SCUBE1: variants seen among roughly 807,000 people sequenced by gnomAD.
SCUBE1 encodes signal peptide, CUB domain and EGF like domain containing 1, also known as signal peptide, CUB and EGF-like domain-containing protein 1.
In SCUBE1, 59 loss-of-function variants were observed where a neutral mutation model predicts 124.4. The observed-to-expected ratio is 0.47, with a 90% CI of 0.38 to 0.59. The LOEUF is 0.59. Ranked by LOEUF, SCUBE1 falls within the 20% of genes least tolerant of loss-of-function variation. SCUBE1 has a pLI of 0.00. For missense variants in SCUBE1, 1,150 were observed against 1,371.2 expected (o/e 0.84, Z 2.55); for synonymous variants, 545 against 550.9 (o/e 0.99, Z 0.15).
intron 6 of SCUBE1, among the ~76,000 whole-genome samples, chr22:43,250,970 T>G (rs1358756636): frequency 1.3e-5 from 2 of 152,206 alleles, no homozygotes; most frequent in Non-Finnish European, 2.9e-5. Flanking sequence ...GGCCCAGGCT[T>G]TGCTCACTGG....
At chr22:43,273,373 G>A (rs977870747) in intron 4 of SCUBE1, among the ~76,000 whole-genome samples, 17 of 152,108 alleles carry the variant, frequency 1.1e-4, no homozygotes. Flanking sequence ...AGGTGGTTCT[G>A]TCTCTGACAG....
intron 2 of SCUBE1, among the ~76,000 whole-genome samples, chr22:43,336,151 C>T (rs766149986): frequency 6.6e-5 from 10 of 152,138 alleles, no homozygotes; most frequent in Non-Finnish European, 1.3e-4. Context: ...TTCAGGCTGA[C>T]CTGTGATGGG....
At chr22:43,206,892 C>A (rs1921313027) in intron 21 of SCUBE1, among the ~76,000 whole-genome samples, 1 of 152,202 alleles carries the variant, frequency 6.6e-6, no homozygotes, top group South Asian at 2.1e-4. Flanking sequence ...CAGCACGTGA[C>A]TGGCAGACTA....
At chr22:43,296,836 G>A (rs928239100) in intron 3 of SCUBE1, among the ~76,000 whole-genome samples, 1 of 152,202 alleles carries the variant, frequency 6.6e-6, no homozygotes, top group African/African-American at 2.4e-5. Flanking sequence ...GTGCCACAGG[G>A]GCCTTCAGCA....
chr22:43,312,943 T>C (rs1601882633), intron 3 of SCUBE1, among the ~76,000 whole-genome samples: 1 of 152,208 alleles, frequency 6.6e-6, no homozygotes, highest in African/African-American at 2.4e-5. Context: ...GCTTACAGGC[T>C]GAAATTGGCA....
intron 2 of SCUBE1, among the ~76,000 whole-genome samples, chr22:43,335,265 C>G (rs1387803361): frequency 1.3e-5 from 2 of 152,178 alleles, no homozygotes; most frequent in Non-Finnish European, 2.9e-5. Flanking sequence ...CAGCAGGGAT[C>G]TGATGGTTCT....
At chr22:43,306,141 AG>A (rs1034972365) in intron 3 of SCUBE1, among the ~76,000 whole-genome samples, 13 of 152,154 alleles carry the variant, frequency 8.5e-5, no homozygotes, top group African/African-American at 3.1e-4. Flanking sequence ...GGGTGCTCCA[AG>A]GTAAGCGAGA....
At chr22:43,339,257 G>T in intron 1 of SCUBE1, 22 bp from the exon 2 acceptor site, 1 of 1,610,684 alleles carries the variant, frequency 6.2e-7, no homozygotes. Flanking sequence ...GGTGTGGGGG[G>T]AATAAGAGGT....
intron 2 of SCUBE1, among the ~76,000 whole-genome samples, chr22:43,337,972 T>A (rs1161945311): frequency 6.6e-6 from 1 of 152,200 alleles, no homozygotes; most frequent in Non-Finnish European, 1.5e-5. Context: ...ACTGTGAACA[T>A]GGGAATCTTG....
chr22:43,209,057 G>C (rs946945744), intron 19 of SCUBE1, among the ~76,000 whole-genome samples: 4 of 152,234 alleles, frequency 2.6e-5, no homozygotes, highest in African/African-American at 4.8e-5. Flanking sequence ...GTCCCAGGCC[G>C]GTCCCTTGCC....
intron 3 of SCUBE1, among the ~76,000 whole-genome samples, chr22:43,299,355 C>T (rs1332954931): frequency 6.6e-6 from 1 of 152,176 alleles, no homozygotes; most frequent in Non-Finnish European, 1.5e-5. Flanking sequence ...AATGCAAAAG[C>T]AACAACAAAC....
At position 43,210,009 on chromosome 22, in the gene SCUBE1, A is replaced by G; in HGVS notation, c.2581+34T>C. On this transcript the variant is annotated intron_variant, in intron 19 of 21. Transcript: ENST00000360835. This position sits in a 1 kb window ranked among gnomAD's most constrained non-coding sequence, Gnocchi z 4.5. ...CGAGACGGGGGTGCACACGCAGCTG[A>G]GGCTGCCTCTGGTCCCCTCGGCCCC... 6.4e-7 allele frequency: 1 copy of G among 1,559,460 alleles called. No homozygotes were observed. Among genetic ancestry groups the G allele is most frequent in the South Asian group, 1.2e-5 (1 of 84,020 alleles).
At chr22:43,222,428 G>A (rs1178538177) in intron 12 of SCUBE1, among the ~76,000 whole-genome samples, 1 of 152,232 alleles carries the variant, frequency 6.6e-6, no homozygotes, top group Non-Finnish European at 1.5e-5. Context: ...CCCTCCCACG[G>A]TCCCCTGACC....
rs1357766470 is a variant in SCUBE1 at position 43,281,535 on chromosome 22, CT to C, written c.484+9510del. ...CCTCAGCCACCCTCCTGTCACCTCC[CT>C]CAGTCACCCTCCTGTCACCTCCCCC... On this transcript the variant is annotated intron_variant, in intron 4 of 21. Coordinates refer to ENST00000360835, the MANE Select transcript of SCUBE1 (RefSeq NM_173050.5). Among the ~76,000 whole-genome samples the C allele has an allele frequency of 2.5e-4, 21 of 83,028 alleles. 3 individuals carry two copies. Among genetic ancestry groups the C allele is most frequent in the African/African-American group, 1.0e-3 (21 of 20,570 alleles). 54.5% of individuals were successfully genotyped at this position (83,028 alleles called of 152,430 possible).
chr22:43,312,322 C>T (rs956607963), intron 3 of SCUBE1, among the ~76,000 whole-genome samples: 2 of 152,228 alleles, frequency 1.3e-5, no homozygotes, highest in African/African-American at 4.8e-5. Context: ...TGGGTCACAG[C>T]AGACCTCTGA....
At position 43,211,142 on chromosome 22, in the gene SCUBE1, CTGGG is replaced by C; in HGVS notation, c.2222-63_2222-60del. 2.6e-6 allele frequency: 4 copies of C among 1,529,862 alleles called. No individual in the cohort carries two copies. The highest frequency in any genetic ancestry group is 2.2e-4 in the Middle Eastern group (1 of 4,584). 94.8% of individuals were successfully genotyped at this position (1,529,862 alleles called of 1,614,324 possible). ...GGAGGGGTGCAGGGAAAGGGCAGCA[CTGGG>C]GTGCTGTCCCCAGGACCTCTCATGC... On this transcript the variant is annotated intron_variant, in intron 17 of 21. Transcript: ENST00000360835. This position sits in a 1 kb window ranked among gnomAD's most constrained non-coding sequence, Gnocchi z 4.5.
intron 7 of SCUBE1, among the ~76,000 whole-genome samples, chr22:43,232,807 C>G (rs1472711027): frequency 1.3e-5 from 2 of 152,240 alleles, no homozygotes; most frequent in Non-Finnish European, 1.5e-5. Flanking sequence ...GCCCTGACCC[C>G]TGTGAGCCCC....
rs997119090 is a variant in SCUBE1 at position 43,267,822 on chromosome 22, C to T, written c.485-4977G>A. ...GGGCCATCTGAGGGCAGTGAGCTAA[C>T]GGGAAGGAATGCCAACTCATCCCCT... On this transcript the variant is annotated intron_variant, in intron 4 of 21. Transcript: ENST00000360835. Among the ~76,000 whole-genome samples the T allele has an allele frequency of 2.6e-4, 39 of 152,184 alleles. 1 individual carries two copies. The highest frequency in any genetic ancestry group is 7.4e-5 in the Non-Finnish European group (5 of 68,026).
At chr22:43,282,336 G>A (rs1008467987) in intron 4 of SCUBE1, 3 of 152,390 alleles carry the variant, frequency 2.0e-5, no homozygotes, top group African/African-American at 7.2e-5. Flanking sequence ...GCGCAGGACG[G>A]TGGATGGCAT....
Sources: gnomAD v4.1 joint callset for allele counts (sites outside exome capture counted in the v4.1 genomes callset) on GRCh38, gnomAD v4.1.1 for gene constraint, Gnocchi (gnomAD v3.1) non-coding constraint, MANE v1.5 for transcripts, NCBI Gene and HGNC (gene_info 2026-07-23, HGNC 2026-07-21) for gene names.